CEP128: variants seen among roughly 807,000 people sequenced by gnomAD.
The protein encoded by CEP128 is centrosomal protein 128.
CEP128 carries 132 observed loss-of-function variants against 156.7 expected under a neutral mutation model. That is an observed-to-expected ratio of 0.84 (90% CI 0.73 to 0.97). The LOEUF (loss-of-function observed/expected upper bound fraction) is 0.97, where lower values mean the gene tolerates loss of function less well. Ranked by LOEUF, CEP128 falls within the 50% of genes least tolerant of loss-of-function variation. CEP128 has a pLI of 0.00. For missense variants in CEP128, 1,252 were observed against 1,281.9 expected, an observed-to-expected ratio of 0.98 and a Z score of 0.36; for synonymous variants, 469 against 448.9, an observed-to-expected ratio of 1.04 and a Z score of -0.57.
chr14:80,946,061 T>A (rs1476174441), upstream of CEP128, among the ~76,000 whole-genome samples: 2 of 152,208 alleles, frequency 1.3e-5, no homozygotes. Flanking sequence ...GTGCCTTCAT[T>A]TCTTCCTCTT....
At chr14:80,595,839 G>A (rs1047156565) in intron 19 of CEP128, among the ~76,000 whole-genome samples, 4 of 152,062 alleles carry the variant, frequency 2.6e-5, no homozygotes, top group Non-Finnish European at 4.4e-5. Flanking sequence ...CGTCTTACAC[G>A]GCAGCAGGCA....
At chr14:80,857,234 G>A (rs867106778) in intron 9 of CEP128, among the ~76,000 whole-genome samples, 3 of 133,206 alleles carry the variant, frequency 2.3e-5, no homozygotes, top group Admixed American at 2.2e-4. Context: ...TTTTTTTACA[G>A]TTTTTTTTTT....
intron 13 of CEP128, among the ~76,000 whole-genome samples, chr14:80,826,038 G>A (rs1374224773): frequency 4.6e-5 from 7 of 150,722 alleles, no homozygotes; most frequent in Admixed American, 6.6e-5. Context: ...CCCAGGAGGC[G>A]GAGGTTGCAG....
chr14:80,638,819 T>C (rs948810002), intron 19 of CEP128, among the ~76,000 whole-genome samples: 1 of 152,174 alleles, frequency 6.6e-6, no homozygotes, highest in Non-Finnish European at 1.5e-5. Context: ...GCTCCTAACA[T>C]TTCAAATACT....
In CEP128 at chr14:80,756,857, T is replaced by C. The variant is rs777313422; in HGVS notation, c.2613+35A>G. 9 of 1,375,612 alleles carry C rather than the reference T, an allele frequency of 6.5e-6. No individual in the cohort carries two copies. In the African/African-American group the frequency reaches 1.3e-4, roughly 20 times the overall value. 85.2% of individuals were successfully genotyped at this position (1,375,612 alleles called of 1,614,324 possible). ...AATAGGATGGCTTAAAGATCATAAA[T>C]ATTACAATAACTTTAGGATTTAAAG... On this transcript the variant is annotated intron_variant, in intron 18 of 24. Coordinates refer to ENST00000555265, the MANE Select transcript of CEP128 (RefSeq NM_152446.5).
intron 18 of CEP128, among the ~76,000 whole-genome samples, chr14:80,755,541 T>C (rs894904178): frequency 6.6e-6 from 1 of 152,356 alleles, no homozygotes; most frequent in Non-Finnish European, 1.5e-5. Flanking sequence ...CCTTGTTTTC[T>C]AGAATTAACA....
intron 2 of CEP128, among the ~76,000 whole-genome samples, chr14:80,936,354 C>T (rs1021638917): frequency 6.6e-5 from 10 of 151,944 alleles, no homozygotes; most frequent in Non-Finnish European, 1.2e-4. Flanking sequence ...TGCACTCCAG[C>T]ATGAGTTACA....
intron 22 of CEP128, among the ~76,000 whole-genome samples, chr14:80,528,819 C>T (rs2140271031): frequency 6.6e-6 from 1 of 152,228 alleles, no homozygotes; most frequent in East Asian, 1.9e-4. Flanking sequence ...TGGACCAGAA[C>T]TTAGGTCTTT....
chr14:80,892,889 T>G (rs1252816807), intron 8 of CEP128, among the ~76,000 whole-genome samples: 4 of 151,574 alleles, frequency 2.6e-5, no homozygotes, highest in Non-Finnish European at 5.9e-5. Flanking sequence ...TTTTAAAAAG[T>G]CAAAAAATAA....
At chr14:80,826,012 A>G (rs1874057557) in intron 13 of CEP128, among the ~76,000 whole-genome samples, 1 of 150,288 alleles carries the variant, frequency 6.7e-6, no homozygotes, top group African/African-American at 2.4e-5. Flanking sequence ...ATGCTGAAGC[A>G]GGAGAATCAC....
chr14:80,819,486 T>C (rs1258548224), intron 13 of CEP128, among the ~76,000 whole-genome samples: 2 of 152,024 alleles, frequency 1.3e-5, no homozygotes, highest in Non-Finnish European at 2.9e-5. Context: ...GACATTGTGA[T>C]CCGCCCACCT....
At chr14:80,847,285 T>C (rs1886655358) in intron 9 of CEP128, among the ~76,000 whole-genome samples, 1 of 152,174 alleles carries the variant, frequency 6.6e-6, no homozygotes, top group Non-Finnish European at 1.5e-5. Flanking sequence ...TGCCAAATAG[T>C]GTTCAAACGC....
chr14:80,850,574 T>G (rs150116415), intron 9 of CEP128, among the ~76,000 whole-genome samples: 14 of 152,314 alleles, frequency 9.2e-5, no homozygotes, highest in African/African-American at 2.6e-4. Context: ...ATCTACAAAG[T>G]CTCTTTAAAA....
chr14:80,829,610 A>G (rs939349048), intron 13 of CEP128, among the ~76,000 whole-genome samples: 11 of 152,166 alleles, frequency 7.2e-5, no homozygotes, highest in Non-Finnish European at 1.5e-4. Flanking sequence ...GAAACAAGGA[A>G]TCGGCTGCAT....
rs1187951913 is a variant in CEP128 at position 80,535,834 on chromosome 14, C to T, written c.2881-4948G>A. On this transcript the variant is annotated intron_variant, in intron 21 of 24. Coordinates refer to ENST00000555265, the MANE Select transcript of CEP128 (RefSeq NM_152446.5). The stretch of plus-strand genomic sequence containing the variant: ...CCATGTTCTAATAAACCCACTGAAT[C>T]TTGACCTCTTTATTAAAACCCCAGA... Among the ~76,000 whole-genome samples the T allele has an allele frequency of 2.6e-5, 4 of 152,298 alleles. 1 individual carries two copies. In the South Asian group the frequency reaches 6.2e-4, roughly 24 times the overall value.
At chr14:80,789,406 C>A (rs1464660836) in intron 14 of CEP128, among the ~76,000 whole-genome samples, 4 of 152,084 alleles carry the variant, frequency 2.6e-5, no homozygotes, top group Non-Finnish European at 5.9e-5. Context: ...AGAAATTAGA[C>A]GCTGAAGTAG....
chr14:80,846,464 T>A (rs999865270), intron 9 of CEP128, among the ~76,000 whole-genome samples: 1 of 140,074 alleles, frequency 7.1e-6, no homozygotes, highest in Non-Finnish European at 1.6e-5. Flanking sequence ...AGAACAAAAG[T>A]CATATGGGCA....
intron 19 of CEP128, among the ~76,000 whole-genome samples, chr14:80,683,595 A>C (rs1896408176): frequency 6.6e-6 from 1 of 152,186 alleles, no homozygotes; most frequent in Admixed American, 6.5e-5. Flanking sequence ...TTCTAGACTT[A>C]AATTCAACAC....
intron 19 of CEP128, among the ~76,000 whole-genome samples, chr14:80,741,849 G>T (rs992097778): frequency 1.3e-5 from 2 of 151,480 alleles, no homozygotes; most frequent in East Asian, 3.9e-4. Flanking sequence ...TTCTCTATGT[G>T]TACCATTATA....
Sources: gnomAD v4.1 joint callset for allele counts (sites outside exome capture counted in the v4.1 genomes callset) on GRCh38, gnomAD v4.1.1 for gene constraint, MANE v1.5 for transcripts, NCBI Gene and HGNC (gene_info 2026-07-23, HGNC 2026-07-21) for gene names.